Variants in LTBP1 observed in about 807,000 individuals in gnomAD.
LTBP1 encodes the protein latent transforming growth factor beta binding protein 1, also known as latent-transforming growth factor beta-binding protein 1.
A neutral mutation model predicts 207.6 loss-of-function variants in LTBP1; 129 were observed. The observed-to-expected ratio is 0.62, with a 90% CI of 0.54 to 0.72. The LOEUF (loss-of-function observed/expected upper bound fraction) is 0.72. LTBP1 is among the 30% of genes least tolerant of loss of function. The pLI, the probability that LTBP1 is intolerant of heterozygous loss-of-function variation, is 0.00. For synonymous variants in LTBP1, 963 were observed against 833.7 expected (o/e 1.16, Z -2.67); for missense variants, 2,281 against 2,217.2 (o/e 1.03, Z -0.58).
intron 9 of LTBP1, among the ~76,000 whole-genome samples, chr2:33,231,464 T>C (rs531900467): frequency 6.6e-6 from 1 of 152,302 alleles, no homozygotes; most frequent in South Asian, 2.1e-4. Flanking sequence ...TAAATGAGAC[T>C]CCACAGTCTT....
rs756804273 is a variant in LTBP1 at position 33,182,695 on chromosome 2, T to TACACACAC, written c.1202-4160_1202-4159insCACACACA. On this transcript the variant is annotated intron_variant, in intron 5 of 33. Transcript: ENST00000404816. ...AAAGAAGAAAAGATGGTGATATATA[T>TACACACAC]ATATACACACACACACACACACACA... is the stretch of plus-strand genomic sequence containing the variant. Among the ~76,000 whole-genome samples, 42 of 84,650 alleles carry TACACACAC rather than the reference T, an allele frequency of 5.0e-4. 2 individuals carry two copies. The highest frequency in any genetic ancestry group is 3.0e-3 in the South Asian group (9 of 2,968). The allele number at this position is 84,650 out of a possible 152,430, so 55.5% of individuals were successfully genotyped here. A position where few individuals can be genotyped will look rare whatever the true frequency, so the allele number is the denominator to read the frequency against.
At chr2:32,991,636 G>A (rs576998098) in intron 2 of LTBP1, among the ~76,000 whole-genome samples, 2 of 152,312 alleles carry the variant, frequency 1.3e-5, no homozygotes, top group South Asian at 4.1e-4. Context: ...GTTTTCAGTT[G>A]TTGTAACATG....
chr2:33,033,756 C>T (rs565314983), intron 3 of LTBP1, among the ~76,000 whole-genome samples: 1 of 152,108 alleles, frequency 6.6e-6, no homozygotes, highest in South Asian at 2.1e-4. Flanking sequence ...AATAGTGCAA[C>T]ATTATGGTGC....
At chr2:33,323,934 T>A (rs1365349327) in intron 24 of LTBP1, among the ~76,000 whole-genome samples, 1 of 152,202 alleles carries the variant, frequency 6.6e-6, no homozygotes, top group Non-Finnish European at 1.5e-5. Context: ...GGGCTTGAAC[T>A]CTTGTTCCAG....
At chr2:33,292,376 A>T (rs189924705) in intron 19 of LTBP1, among the ~76,000 whole-genome samples, 41 of 152,314 alleles carry the variant, frequency 2.7e-4, no homozygotes, top group Non-Finnish European at 3.2e-4. Context: ...GGTTAAAAGG[A>T]TAGGCTTGGG....
chr2:33,217,397 G>A (rs1049740227), intron 7 of LTBP1, among the ~76,000 whole-genome samples, 155 bp from the exon 8 acceptor site: 2 of 152,126 alleles, frequency 1.3e-5, no homozygotes, highest in African/African-American at 2.4e-5. Flanking sequence ...TTTCTGTCCA[G>A]GTATTTTCTT....
rs577761175 is a variant in LTBP1 at position 33,398,300 on chromosome 2, A to G, written c.4985-64A>G. 7 of 1,488,004 alleles carry G rather than the reference A, an allele frequency of 4.7e-6. No homozygotes were observed. In the East Asian group the frequency reaches 1.6e-4, roughly 34 times the overall value. The allele number at this position is 1,488,004 out of a possible 1,614,324, so 92.2% of individuals were successfully genotyped here. On this transcript the variant is annotated intron_variant, in intron 33 of 33. Transcript: ENST00000404816. The stretch of plus-strand genomic sequence containing the variant: ...GGGGGAAGGGCCTCAGGTAAGCCTC[A>G]GGTTATGTGTCCTCACAGAATAATA...
At position 33,300,517 on chromosome 2, in the gene LTBP1, T is replaced by C. The variant is rs2093968445; in HGVS notation, c.3302T>C (p.Phe1101Ser). ...NGQCKNTEGS[F>S]RCTCGQGYQL... ...CAGTGCAAAAATACCGAGGGCTCCTTCAGGTGCACCTGTGGACAGGGGTAC... is the reference window on the plus strand; with the variant it reads ...CAGTGCAAAAATACCGAGGGCTCCTCCAGGTGCACCTGTGGACAGGGGTAC... Residue 1101 changes from phenylalanine (F) to serine (S), a missense_variant, in exon 21 of 34, where the codon TTC becomes TCC. Phe to Ser is a radical substitution (Grantham distance 155). Around this residue, in one of 3 missense-constraint regions of LTBP1, gnomAD observed 1,671 missense variants for 1,634.8 expected, o/e 1.02. Coordinates refer to ENST00000404816, the MANE Select transcript of LTBP1 (RefSeq NM_206943.4). 18 of 1,613,744 alleles carry C rather than the reference T, an allele frequency of 1.1e-5. No individual in the cohort carries two copies. Among genetic ancestry groups the C allele is most frequent in the Admixed American group, 1.7e-5 (1 of 59,990 alleles).
intron 31 of LTBP1, among the ~76,000 whole-genome samples, chr2:33,372,965 A>T (rs748386395): frequency 1.4e-4 from 22 of 152,250 alleles, no homozygotes; most frequent in Non-Finnish European, 2.6e-4. Flanking sequence ...TTGATCTGCA[A>T]ATGAAAGAAA....
intron 3 of LTBP1, among the ~76,000 whole-genome samples, chr2:33,068,389 C>T (rs182480509): frequency 1.2e-4 from 19 of 152,198 alleles, no homozygotes; most frequent in African/African-American, 3.6e-4. Context: ...TTATCTATTA[C>T]CACTCCCACA....
chr2:33,207,490 A>C (rs576854641), intron 7 of LTBP1, among the ~76,000 whole-genome samples: 1 of 152,054 alleles, frequency 6.6e-6, no homozygotes, highest in African/African-American at 2.4e-5. Flanking sequence ...TAATAAAAGA[A>C]AGCTGAGTGG....
At chr2:33,124,874 G>A (rs531096970) in intron 4 of LTBP1, among the ~76,000 whole-genome samples, 1 of 152,324 alleles carries the variant, frequency 6.6e-6, no homozygotes, top group Admixed American at 6.5e-5. Context: ...GTTTTTAGGC[G>A]CTCTGGATTT....
intron 5 of LTBP1, among the ~76,000 whole-genome samples, chr2:33,182,734 A>C (rs2086796182): frequency 1.1e-5 from 1 of 89,786 alleles, no homozygotes; most frequent in Non-Finnish European, 2.4e-5. Flanking sequence ...ACACACACAC[A>C]CAGACATATA....
chr2:33,321,859 G>A (rs1242804069), intron 24 of LTBP1, among the ~76,000 whole-genome samples: 1 of 152,094 alleles, frequency 6.6e-6, no homozygotes, highest in Non-Finnish European at 1.5e-5. Context: ...AAAAGAAAAA[G>A]GATCATACAA....
At chr2:33,376,480 G>C (rs1443507885) in intron 31 of LTBP1, among the ~76,000 whole-genome samples, 1 of 152,218 alleles carries the variant, frequency 6.6e-6, no homozygotes, top group East Asian at 1.9e-4. Flanking sequence ...TTGCCAGTTG[G>C]AAATGAGAGA....
chr2:33,384,337 T>C (rs2095247359), intron 31 of LTBP1, among the ~76,000 whole-genome samples: 1 of 152,248 alleles, frequency 6.6e-6, no homozygotes, highest in African/African-American at 2.4e-5. Flanking sequence ...CCCTTATGTA[T>C]CTTTCATAGC....
At chr2:33,022,902 AT>A (rs2149242432) in intron 3 of LTBP1, among the ~76,000 whole-genome samples, 1 of 152,104 alleles carries the variant, frequency 6.6e-6, no homozygotes, top group East Asian at 1.9e-4. Flanking sequence ...TCTTTTTTAA[AT>A]TTTTTTCTCA....
At chr2:33,014,275 T>C (rs759126623) in intron 2 of LTBP1, among the ~76,000 whole-genome samples, 7 of 152,146 alleles carry the variant, frequency 4.6e-5, no homozygotes, top group Non-Finnish European at 1.0e-4. Flanking sequence ...TTTTTTTCTC[T>C]TTAGGGATTT....
intron 31 of LTBP1, among the ~76,000 whole-genome samples, chr2:33,384,955 T>A (rs958345210): frequency 6.6e-6 from 1 of 152,210 alleles, no homozygotes; most frequent in African/African-American, 2.4e-5. Context: ...GATATTTCCA[T>A]TGCTTTCCTG....
Sources: gnomAD v4.1 joint callset for allele counts (sites outside exome capture counted in the v4.1 genomes callset) on GRCh38, gnomAD v4.1.1 for gene constraint, gnomAD v4.1.1 regional missense constraint, MANE v1.5 for transcripts, NCBI Gene and HGNC (gene_info 2026-07-23, HGNC 2026-07-21) for gene names.